TERT: variants seen among roughly 807,000 people sequenced by gnomAD.
The protein encoded by TERT is telomerase reverse transcriptase.
TERT carries 42 observed loss-of-function variants against 104.0 expected under a neutral mutation model. The observed-to-expected ratio is 0.40, with a 90% CI of 0.32 to 0.52. The LOEUF (loss-of-function observed/expected upper bound fraction) is 0.52. TERT is among the 20% of genes least tolerant of loss of function. The pLI is 0.43. For synonymous variants in TERT, 781 were observed against 725.6 expected, an observed-to-expected ratio of 1.08 and a Z score of -1.23; for missense variants, 1,101 against 1,610.3, an observed-to-expected ratio of 0.68 and a Z score of 5.41.
At chr5:1,285,998 G>C (rs980654949) in intron 2 of TERT, among the ~76,000 whole-genome samples, 1 of 152,142 alleles carries the variant, frequency 6.6e-6, no homozygotes, top group East Asian at 1.9e-4. Context: ...AGGCAGCACC[G>C]TCAGAGCTGG....
chr5:1,274,444 T>G lies in TERT; in HGVS notation c.2287-2164A>C, dbSNP rs1749395902. On this transcript the variant is annotated intron_variant, in intron 6 of 15. Transcript: ENST00000310581. This position sits in a 1 kb window ranked among gnomAD's most constrained non-coding sequence, Gnocchi z 5.3. ...TTTAGCACAGGGTCCCCAACCATTG[T>G]GGTACCAGGGACTGGTTTCGTGGAA... is the stretch of plus-strand genomic sequence containing the variant. Among the ~76,000 whole-genome samples the G allele has an allele frequency of 6.6e-6, 1 of 152,222 alleles. No individual in the cohort carries two copies. The highest frequency in any genetic ancestry group is 1.5e-5 in the Non-Finnish European group (1 of 68,036).
chr5:1,293,253 C>T, intron 2 of TERT, 60 bp downstream of exon 2: 5 of 1,601,142 alleles, frequency 3.1e-6, no homozygotes, highest in Non-Finnish European at 3.4e-6. Context: ...GCCCCCTTTT[C>T]TGAGCCCCTA....
rs1291168595 is a variant in TERT, at chr5:1,293,703, C to T, written c.1183G>A (p.Glu395Lys). ...RYWQMRPLFLELLGNHAQCPY... is the reference protein window; with the variant it reads ...RYWQMRPLFLKLLGNHAQCPY... ...CACTGCGCGTGGTTCCCAAGCAGCTCCAGAAACAGGGGCCGCATTTGCCAG... is the reference window on the plus strand; with the variant it reads ...CACTGCGCGTGGTTCCCAAGCAGCTTCAGAAACAGGGGCCGCATTTGCCAG... Residue 395 changes from glutamate (E) to lysine (K), a missense_variant, in exon 2 of 16, where the codon GAG becomes AAG. Physicochemically the swap from Glu to Lys is moderately conservative, Grantham distance 56. This residue lies in a region of TERT where 504 missense variants were observed against 544.6 expected (regional missense o/e 0.93). Coordinates refer to ENST00000310581, the MANE Select transcript of TERT (RefSeq NM_198253.3). The T allele has an allele frequency of 6.3e-7, 1 of 1,574,834 alleles. No individual in the cohort carries two copies.
At chr5:1,289,627 G>A (rs1180783728) in intron 2 of TERT, among the ~76,000 whole-genome samples, 14 of 112,020 alleles carry the variant, frequency 1.2e-4, no homozygotes, top group Non-Finnish European at 1.6e-4. Flanking sequence ...GACACGCGGG[G>A]ACGGCGCCTC....
At chr5:1,290,617 G>C in intron 2 of TERT, among the ~76,000 whole-genome samples, 1 of 72,416 alleles carries the variant, frequency 1.4e-5, no homozygotes, top group Non-Finnish European at 2.6e-5. Context: ...CACCCTGAAC[G>C]TGACAGGGAC....
In TERT at chr5:1,253,718, C is replaced by G. The variant is rs771745814; in HGVS notation, c.*10G>C. The G allele has an allele frequency of 3.7e-6, 6 of 1,603,654 alleles. No homozygotes were observed. The highest frequency in any genetic ancestry group is 4.3e-6 in the Non-Finnish European group (5 of 1,174,260). On this transcript the variant is annotated 3_prime_UTR_variant, in exon 16 of 16. Coordinates refer to ENST00000310581, the MANE Select transcript of TERT (RefSeq NM_198253.3). The stretch of plus-strand genomic sequence containing the variant: ...TGTCTGCTCTCGGCCTGGCTGTGGG[C>G]GGGTGGCCATCAGTCCAGGATGGTC...
intron 2 of TERT, among the ~76,000 whole-genome samples, chr5:1,285,608 T>C (rs939004672): frequency 5.8e-5 from 8 of 136,890 alleles, no homozygotes; most frequent in Non-Finnish European, 1.1e-4. Context: ...TCTCGCTGTG[T>C]TGCCAGGCTG....
At chr5:1,272,362 G>A (rs1364362265) in intron 6 of TERT, 82 bp from the exon 7 acceptor site, 13 of 1,225,164 alleles carry the variant, frequency 1.1e-5, no homozygotes, top group African/African-American at 1.5e-5. Flanking sequence ...CGATCAGGAC[G>A]TGTGGACCTG....
rs1747825804 is a variant in TERT at position 1,257,412 on chromosome 5, C to T, written c.3032+1186G>A. ...CACAGTGTCAGACACCTCCAGTCCT[C>T]AGTGGCACCTGTATCCAGCACACCC... On this transcript the variant is annotated intron_variant, in intron 13 of 15. Transcript: ENST00000310581. The surrounding 1 kb of genome is among the most constrained non-coding windows in gnomAD (Gnocchi z 5.6). Among the ~76,000 whole-genome samples the T allele has an allele frequency of 1.3e-5, 2 of 152,184 alleles. No individual in the cohort carries two copies. The highest frequency in any genetic ancestry group is 4.8e-5 in the African/African-American group (2 of 41,454).
Position 1,273,421 on chromosome 5 carries a change from C to T in TERT, c.2287-1141G>A, listed in dbSNP as rs376234105. Among the ~76,000 whole-genome samples the T allele has an allele frequency of 1.2e-3, 59 of 49,928 alleles. 2 individuals carry two copies. The highest frequency in any genetic ancestry group is 6.8e-3 in the East Asian group (2 of 292). The allele number at this position is 49,928 out of a possible 152,430, so 32.8% of individuals were successfully genotyped here. On this transcript the variant is annotated intron_variant, in intron 6 of 15. Transcript: ENST00000310581. ...GTCACCACACATCAGACCCCACGACCGCCATCCACAGTCACCACACATCAG... is the reference window on the plus strand; with the variant it reads ...GTCACCACACATCAGACCCCACGACTGCCATCCACAGTCACCACACATCAG...
chr5:1,254,326 C>G (rs1378399356), intron 15 of TERT, 42 bp downstream of exon 15: 1 of 1,612,600 alleles, frequency 6.2e-7, no homozygotes. Flanking sequence ...AAGGATGACC[C>G]CTGGGCAGGT....
At position 1,288,223 on chromosome 5, in the gene TERT, T is replaced by C. The variant is rs567714313; in HGVS notation, c.1573+5090A>G. ...ACACTTTGAAGTATTTTAAGAACAC[T>C]TGAAAGTGGCTGATGTTGAGATTAC... On this transcript the variant is annotated intron_variant, in intron 2 of 15. Transcript: ENST00000310581. The surrounding 1 kb of genome is among the most constrained non-coding windows in gnomAD (Gnocchi z 5.3). Among the ~76,000 whole-genome samples, 2 of 152,042 alleles carry C rather than the reference T, an allele frequency of 1.3e-5. No homozygotes were observed. The highest frequency in any genetic ancestry group is 2.4e-5 in the African/African-American group (1 of 41,518).
chr5:1,270,727 C>T lies in TERT; in HGVS notation c.2468+392G>A, dbSNP rs957179633. ...AGAATCGGATAAAATCCTTTTGTAT[C>T]GGGAGAGAGAGATACAAGCGTGTGA... On this transcript the variant is annotated intron_variant, in intron 8 of 15. Coordinates refer to ENST00000310581, the MANE Select transcript of TERT (RefSeq NM_198253.3). This position sits in a 1 kb window ranked among gnomAD's most constrained non-coding sequence, Gnocchi z 8.3. Among the ~76,000 whole-genome samples the T allele has an allele frequency of 2.6e-5, 4 of 152,220 alleles. No individual in the cohort carries two copies. Among genetic ancestry groups the T allele is most frequent in the East Asian group, 1.9e-4 (1 of 5,192 alleles).
intron 2 of TERT, among the ~76,000 whole-genome samples, chr5:1,285,315 G>A (rs1424989747): frequency 3.3e-5 from 5 of 151,702 alleles, no homozygotes; most frequent in Admixed American, 2.6e-4. Context: ...ACCTCATCCC[G>A]GACCTGCACC....
At chr5:1,277,128 C>T (rs1749654121) in intron 6 of TERT, among the ~76,000 whole-genome samples, 1 of 152,226 alleles carries the variant, frequency 6.6e-6, no homozygotes, top group African/African-American at 2.4e-5. Flanking sequence ...CAAGAGAGCC[C>T]CCTGCACAAT....
intron 12 of TERT, among the ~76,000 whole-genome samples, chr5:1,258,915 C>T (rs1397828164): frequency 4.0e-5 from 6 of 151,792 alleles, no homozygotes; most frequent in South Asian, 2.1e-4. Context: ...AGGGAGTGGA[C>T]GCAAATGCCC....
At chr5:1,260,652 C>A in intron 11 of TERT, 52 bp from the exon 12 acceptor site, 1 of 1,609,412 alleles carries the variant, frequency 6.2e-7, no homozygotes, top group South Asian at 1.1e-5. Flanking sequence ...ACACCCAGCC[C>A]CCTCCTGCAA....
In TERT at chr5:1,288,373, G is replaced by A. The variant is rs185043854; in HGVS notation, c.1573+4940C>T. On this transcript the variant is annotated intron_variant, in intron 2 of 15. Transcript: ENST00000310581. The surrounding 1 kb of genome is among the most constrained non-coding windows in gnomAD (Gnocchi z 5.3). The stretch of plus-strand genomic sequence containing the variant: ...AAGCATACAATGGAGAGATAGAAAC[G>A]TCAGAGGTAAATCAGTGAAATTCAA... Among the ~76,000 whole-genome samples the A allele has an allele frequency of 5.3e-5, 8 of 152,230 alleles. No individual in the cohort carries two copies. The highest frequency in any genetic ancestry group is 2.1e-4 in the South Asian group (1 of 4,812).
intron 14 of TERT, 128 bp from the exon 15 acceptor site, chr5:1,254,633 C>T (rs1747585975): frequency 5.8e-6 from 6 of 1,041,518 alleles, no homozygotes; most frequent in East Asian, 5.2e-5. Context: ...ACCCAAGCAC[C>T]GCAGGAGTCA....
Sources: allele counts gnomAD v4.1 joint callset (sites outside exome capture counted in the v4.1 genomes callset), GRCh38; gene constraint gnomAD v4.1.1; regional missense constraint gnomAD v4.1.1; non-coding constraint Gnocchi (gnomAD v3.1); transcripts MANE v1.5; gene names NCBI Gene and HGNC (gene_info 2026-07-23, HGNC 2026-07-21).